Variants in MEGF11 observed in about 807,000 individuals in gnomAD.
The protein encoded by MEGF11 is multiple EGF like domains 11.
MEGF11 carries 126 observed loss-of-function variants against 146.6 expected under a neutral mutation model. The ratio of observed to expected loss-of-function variants is 0.86; its 90% CI spans 0.74 to 1.00. The LOEUF (loss-of-function observed/expected upper bound fraction) is 1.00, where lower values mean the gene tolerates loss of function less well. MEGF11 is among the 50% of genes least tolerant of loss of function. The pLI is 0.00. For synonymous variants in MEGF11, 532 were observed against 583.4 expected (o/e 0.91, Z 1.27); for missense variants, 1,509 against 1,521.2 (o/e 0.99, Z 0.13).
chr15:66,008,411 GCACACACACACACA>G lies in MEGF11; in HGVS notation c.395-25937_395-25924del, dbSNP rs995843726. Among the ~76,000 whole-genome samples, 407 of 52,110 alleles carry G rather than the reference GCACACACACACACA, an allele frequency of 7.8e-3. 2 individuals are homozygous for G. Among genetic ancestry groups the G allele is most frequent in the African/African-American group, 0.019 (396 of 20,616 alleles). 34.2% of individuals were successfully genotyped at this position (52,110 alleles called of 152,430 possible). ...GAAACACACATGCACACGCGCGCGC[GCACACACACACACA>G]CACACACACACACACACACACACAC... On this transcript the variant is annotated intron_variant, in intron 5 of 25. Coordinates refer to ENST00000395614, the MANE Select transcript of MEGF11 (RefSeq NM_001385028.1).
intron 1 of MEGF11, among the ~76,000 whole-genome samples, chr15:66,158,494 G>A (rs1567267471): frequency 6.6e-6 from 1 of 152,228 alleles, no homozygotes; most frequent in African/African-American, 2.4e-5. Context: ...TCCCAGAAAT[G>A]CCTGCTTGCC....
chr15:65,898,104 A>G lies in MEGF11; in HGVS notation c.3263-10T>C, dbSNP rs373449219. On this transcript the variant is annotated splice_polypyrimidine_tract_variant and intron_variant, in intron 25 of 25. Coordinates refer to ENST00000395614, the MANE Select transcript of MEGF11 (RefSeq NM_001385028.1). ...ACACTGACTGTGGGCTCTAAGAAATATAGTGAAAAATGAGTTCAGAGAACA... is the reference window on the plus strand; with the variant it reads ...ACACTGACTGTGGGCTCTAAGAAATGTAGTGAAAAATGAGTTCAGAGAACA... 4.1e-5 allele frequency: 66 copies of G among 1,609,596 alleles called. No homozygotes were observed. The highest frequency in any genetic ancestry group is 5.1e-5 in the Admixed American group (3 of 59,208).
chr15:65,943,004 T>A (rs1270112861), intron 10 of MEGF11, among the ~76,000 whole-genome samples: 62 of 81,972 alleles, frequency 7.6e-4, no homozygotes, highest in African/African-American at 2.5e-3. Flanking sequence ...TTTTTTTTTT[T>A]AACACGGAGT....
At chr15:66,165,496 T>A (rs911089563) in intron 1 of MEGF11, among the ~76,000 whole-genome samples, 1 of 152,180 alleles carries the variant, frequency 6.6e-6, no homozygotes, top group Admixed American at 6.5e-5. Context: ...ACATCTTTTT[T>A]AAAAACTCTC....
At chr15:65,995,989 C>A (rs977665678) in intron 5 of MEGF11, among the ~76,000 whole-genome samples, 33 of 152,138 alleles carry the variant, frequency 2.2e-4, no homozygotes, top group Admixed American at 1.5e-3. Flanking sequence ...AAGGGACCTG[C>A]CTAAGGAGAG....
chr15:65,938,567 C>T (rs992252228), intron 10 of MEGF11, among the ~76,000 whole-genome samples: 2 of 152,230 alleles, frequency 1.3e-5, no homozygotes, highest in African/African-American at 4.8e-5. Flanking sequence ...GTCCACACCA[C>T]CTACAGGGCA....
At chr15:66,083,791 C>T (rs924294276) in intron 5 of MEGF11, among the ~76,000 whole-genome samples, 5 of 152,116 alleles carry the variant, frequency 3.3e-5, no homozygotes, top group African/African-American at 9.7e-5. Context: ...GCGACACATG[C>T]CTGTAGTCCC....
chr15:65,975,988 C>A (rs2081431505), intron 7 of MEGF11, among the ~76,000 whole-genome samples: 1 of 150,682 alleles, frequency 6.6e-6, no homozygotes, highest in South Asian at 2.1e-4. Flanking sequence ...AGGGCTATGG[C>A]CTGTGGTTTC....
At chr15:66,049,319 T>C (rs1221034965) in intron 5 of MEGF11, among the ~76,000 whole-genome samples, 2 of 152,186 alleles carry the variant, frequency 1.3e-5, no homozygotes, top group Non-Finnish European at 2.9e-5. Context: ...CTGGGGCTCC[T>C]GGGTCAGGAA....
chr15:65,981,188 C>T (rs1300584784), intron 6 of MEGF11, among the ~76,000 whole-genome samples: 3 of 152,170 alleles, frequency 2.0e-5, no homozygotes, highest in Admixed American at 2.0e-4. Context: ...AGGAGGAAGG[C>T]ATTTTACTTG....
intron 1 of MEGF11, among the ~76,000 whole-genome samples, chr15:66,176,143 A>C (rs1347637033): frequency 6.6e-6 from 1 of 152,368 alleles, no homozygotes; most frequent in East Asian, 1.9e-4. Flanking sequence ...TAAAATGGTT[A>C]TTATAAAAAA....
chr15:65,909,804 G>A lies in MEGF11; in HGVS notation c.2832C>T (p.Leu944=). 1 of 1,573,980 alleles carries A rather than the reference G, an allele frequency of 6.4e-7. No individual in the cohort carries two copies. Among genetic ancestry groups the A allele is most frequent in the Non-Finnish European group, 8.6e-7 (1 of 1,167,522 alleles). ...TGTCTCTGTCAAGGGACTTGTTACT[G>A]AGCTGTTTGGAGAGTAGGAGAGCCA... ...STLDRNSPTK[L]SNKSLDRDTA... is the part of the protein sequence containing the mutation. Residue 944 remains leucine (L), a splice_region_variant and synonymous_variant, in exon 22 of 26, where the codon CTC becomes CTT. Coordinates refer to ENST00000395614, the MANE Select transcript of MEGF11 (RefSeq NM_001385028.1).
chr15:66,078,665 C>T (rs981138841), intron 5 of MEGF11, among the ~76,000 whole-genome samples: 7 of 152,186 alleles, frequency 4.6e-5, no homozygotes, highest in African/African-American at 1.7e-4. Context: ...ACCCTGCCTG[C>T]AGGCTGCCCC....
At chr15:66,193,564 A>AT (rs1423074144) in intron 1 of MEGF11, among the ~76,000 whole-genome samples, 3 of 152,072 alleles carry the variant, frequency 2.0e-5, no homozygotes, top group Non-Finnish European at 2.9e-5. Flanking sequence ...TTACCCACAG[A>AT]TTTTTTTCCC....
chr15:65,903,903 A>C (rs919496200), intron 24 of MEGF11, among the ~76,000 whole-genome samples: 2 of 152,132 alleles, frequency 1.3e-5, no homozygotes, highest in African/African-American at 4.8e-5. Context: ...CTGCTGGTAC[A>C]TTTGCTTACA....
At chr15:66,099,857 TG>T (rs2086714283) in intron 4 of MEGF11, among the ~76,000 whole-genome samples, 2 of 151,374 alleles carry the variant, frequency 1.3e-5, no homozygotes, top group South Asian at 4.2e-4. Context: ...AGGGAGCGGG[TG>T]GGGAGGAAGG....
At chr15:66,043,819 C>A (rs1224367790) in intron 5 of MEGF11, among the ~76,000 whole-genome samples, 2 of 152,120 alleles carry the variant, frequency 1.3e-5, no homozygotes, top group African/African-American at 4.8e-5. Flanking sequence ...AGCCCCAGAG[C>A]GGGAAGGATG....
At chr15:65,990,214 A>G (rs1376814969) in intron 5 of MEGF11, among the ~76,000 whole-genome samples, 1 of 152,130 alleles carries the variant, frequency 6.6e-6, no homozygotes, top group Non-Finnish European at 1.5e-5. Context: ...TCTAAAAATA[A>G]GATAAATAAA....
At position 65,982,531 on chromosome 15, in the gene MEGF11, T is replaced by A; in HGVS notation, c.395-43A>T. 7.0e-7 allele frequency: 1 copy of A among 1,434,882 alleles called. No homozygotes were observed. The highest frequency in any genetic ancestry group is 9.1e-7 in the Non-Finnish European group (1 of 1,096,814). The allele number at this position is 1,434,882 out of a possible 1,614,324, so 88.9% of individuals were successfully genotyped here. ...GTCAGGGATCAGGAGCCCCGAAGGC[T>A]CTCCTTGGGGCAGGGGCCAGGAACC... On this transcript the variant is annotated intron_variant, in intron 5 of 25. Transcript: ENST00000395614. The surrounding 1 kb of genome is among the most constrained non-coding windows in gnomAD (Gnocchi z 5.6).
Sources: allele counts gnomAD v4.1 joint callset (sites outside exome capture counted in the v4.1 genomes callset), GRCh38; gene constraint gnomAD v4.1.1; non-coding constraint Gnocchi (gnomAD v3.1); transcripts MANE v1.5; gene names NCBI Gene and HGNC (gene_info 2026-07-23, HGNC 2026-07-21).